The following OSBPL2 variants were observed in gnomAD, a reference collection of about 807,000 sequenced individuals.
OSBPL2 encodes the protein oxysterol binding protein like 2, also known as oxysterol-binding protein-related protein 2.
A neutral mutation model predicts 58.4 loss-of-function variants in OSBPL2; 18 were observed. That is an observed-to-expected ratio of 0.31 (90% CI 0.21 to 0.46). OSBPL2 has a LOEUF of 0.46. Among genes scored for constraint, OSBPL2 ranks in the 20% least tolerant of loss-of-function variants. OSBPL2 has a pLI of 1.00. For synonymous variants in OSBPL2, 221 were observed against 234.1 expected (o/e 0.94, Z 0.51); for missense variants, 461 against 616.5 (o/e 0.75, Z 2.67).
intron 6 of OSBPL2, among the ~76,000 whole-genome samples, chr20:62,276,089 G>T (rs1028040841): frequency 6.6e-6 from 1 of 152,018 alleles, no homozygotes; most frequent in Non-Finnish European, 1.5e-5. Context: ...GCTAATTTTC[G>T]TGTTTTCAGT....
intron 2 of OSBPL2, among the ~76,000 whole-genome samples, chr20:62,257,623 C>T (rs377352617): frequency 1.8e-4 from 27 of 152,152 alleles, no homozygotes; most frequent in African/African-American, 6.5e-4. Flanking sequence ...GAGAGCGCAG[C>T]CTTGAGGTCC....
intron 5 of OSBPL2, 122 bp from the exon 6 acceptor site, chr20:62,273,187 A>C (rs950285301): frequency 3.8e-6 from 3 of 780,018 alleles, no homozygotes; most frequent in Non-Finnish European, 6.5e-6. Flanking sequence ...GGGAAAACTG[A>C]AAACGCACAC....
At chr20:62,258,223 G>C (rs1009604016) in intron 2 of OSBPL2, among the ~76,000 whole-genome samples, 1 of 152,170 alleles carries the variant, frequency 6.6e-6, no homozygotes, top group Non-Finnish European at 1.5e-5. Context: ...TTCCCCCTCA[G>C]TTCTTGGGCT....
Position 62,294,706 on chromosome 20 carries a change from G to C in OSBPL2, c.*819G>C, listed in dbSNP as rs1248650906. On this transcript the variant is annotated 3_prime_UTR_variant, in exon 14 of 14. Transcript: ENST00000313733. Reference sequence around the variant, plus strand: ...CTGGCTGTCACCGCACACCGCGTCCGTGTCTCCAGGGGGTTCCTTTCTTCT... The same window carrying C: ...CTGGCTGTCACCGCACACCGCGTCCCTGTCTCCAGGGGGTTCCTTTCTTCT... 6.6e-6 allele frequency: 1 copy of C among 152,220 alleles called. No homozygotes were observed. Among genetic ancestry groups the C allele is most frequent in the Non-Finnish European group, 1.5e-5 (1 of 68,042 alleles). The allele number at this position is 152,220 out of a possible 1,614,324, so 9.4% of individuals were successfully genotyped here. A position where few individuals can be genotyped will look rare whatever the true frequency, so the allele number is the denominator to read the frequency against.
At chr20:62,258,437 A>C (rs1028436057) in intron 2 of OSBPL2, among the ~76,000 whole-genome samples, 2 of 152,248 alleles carry the variant, frequency 1.3e-5, no homozygotes, top group African/African-American at 4.8e-5. Flanking sequence ...AGTGCCATTC[A>C]AAGGAAAGGT....
chr20:62,284,924 A>T (rs1172977871), intron 10 of OSBPL2: 1 of 152,252 alleles, frequency 6.6e-6, no homozygotes, highest in Non-Finnish European at 1.5e-5. Flanking sequence ...TTTAGTTGTG[A>T]GTACCAGATA....
At chr20:62,254,546 A>AG (rs1980791893) in intron 1 of OSBPL2, among the ~76,000 whole-genome samples, 1 of 152,252 alleles carries the variant, frequency 6.6e-6, no homozygotes. Context: ...AGAGTCTCTC[A>AG]GGGGACGTGG....
At chr20:62,282,109 G>T (rs897530600) in intron 9 of OSBPL2, 2 of 355,846 alleles carry the variant, frequency 5.6e-6, no homozygotes, top group African/African-American at 2.1e-5. Flanking sequence ...TAGGTGGCTT[G>T]TTACTGGGGC....
At chr20:62,286,436 C>T (rs1359894998) in intron 10 of OSBPL2, 147 bp from the exon 11 acceptor site, 8 of 845,396 alleles carry the variant, frequency 9.5e-6, no homozygotes, top group African/African-American at 3.4e-5. Context: ...GGCAACAGAG[C>T]GAGACTCCGT....
chr20:62,252,411 A>T (rs1004458900), intron 1 of OSBPL2, among the ~76,000 whole-genome samples: 2 of 152,122 alleles, frequency 1.3e-5, no homozygotes, highest in Admixed American at 1.3e-4. Context: ...CTGCACCCCC[A>T]CGTTCGCAGG....
intron 7 of OSBPL2, chr20:62,280,241 C>T (rs1294144795): frequency 2.9e-6 from 2 of 700,082 alleles, no homozygotes; most frequent in Non-Finnish European, 4.2e-6. Flanking sequence ...TTGGGTTTTG[C>T]TTCACATTGG....
At chr20:62,241,585 C>G (rs949726483) in intron 1 of OSBPL2, among the ~76,000 whole-genome samples, 1 of 152,262 alleles carries the variant, frequency 6.6e-6, no homozygotes, top group Non-Finnish European at 1.5e-5. Context: ...GCCGTGCCTT[C>G]CTGAGTCACA....
chr20:62,240,148 C>T (rs537875758), intron 1 of OSBPL2, among the ~76,000 whole-genome samples: 1 of 152,310 alleles, frequency 6.6e-6, no homozygotes, highest in South Asian at 2.1e-4. Flanking sequence ...CCACCGCGCC[C>T]TGCCATGAAA....
chr20:62,255,929 A>C, intron 1 of OSBPL2, 128 bp from the exon 2 acceptor site: 1 of 432,510 alleles, frequency 2.3e-6, no homozygotes, highest in Non-Finnish European at 4.1e-6. Flanking sequence ...GTGATGTGAT[A>C]ATTTATTTTA....
rs1425671026 is a variant in OSBPL2 at position 62,248,162 on chromosome 20, T to C, written c.-128-7895T>C. ...TCTTTTTTCTTTTCTTTTCTTTTTT[T>C]TTTTTTTTTTGTGACAGGGTCTCGC... On this transcript the variant is annotated intron_variant, in intron 1 of 13. Transcript: ENST00000313733. Among the ~76,000 whole-genome samples, 10 of 147,006 alleles carry C rather than the reference T, an allele frequency of 6.8e-5. No individual in the cohort carries two copies. In the East Asian group the frequency reaches 7.9e-4, roughly 12 times the overall value.
At chr20:62,279,711 G>A (rs1982653496) in intron 7 of OSBPL2, among the ~76,000 whole-genome samples, 1 of 152,252 alleles carries the variant, frequency 6.6e-6, no homozygotes. Flanking sequence ...TTCCACACCA[G>A]GCTGGCAGGT....
At chr20:62,258,326 A>G (rs144837437) in intron 2 of OSBPL2, among the ~76,000 whole-genome samples, 2,801 of 152,344 alleles carry the variant, frequency 0.018, 73 homozygotes, top group Non-Finnish European at 0.018. Flanking sequence ...TTCACCGCCT[A>G]TAATACTCAT....
intron 6 of OSBPL2, among the ~76,000 whole-genome samples, chr20:62,276,472 C>G (rs547009285): frequency 6.6e-6 from 1 of 152,352 alleles, no homozygotes; most frequent in South Asian, 2.1e-4. Context: ...CTAATCTGTT[C>G]CTGGCTCATC....
intron 1 of OSBPL2, among the ~76,000 whole-genome samples, chr20:62,247,316 C>T (rs1403217123): frequency 6.6e-6 from 1 of 152,202 alleles, no homozygotes; most frequent in Non-Finnish European, 1.5e-5. Context: ...GGGTCGCTTG[C>T]TCTGTGGTTG....
Sources: allele counts gnomAD v4.1 joint callset (sites outside exome capture counted in the v4.1 genomes callset), GRCh38; gene constraint gnomAD v4.1.1; transcripts MANE v1.5; gene names NCBI Gene and HGNC (gene_info 2026-07-23, HGNC 2026-07-21).